SH3PXD2A: variants seen among roughly 807,000 people sequenced by gnomAD.
The protein encoded by SH3PXD2A is SH3 and PX domains 2A, also known as SH3 and PX domain-containing protein 2A.
A neutral mutation model predicts 115.2 loss-of-function variants in SH3PXD2A; 32 were observed. The observed-to-expected ratio is 0.28, with a 90% confidence interval of 0.21 to 0.37. SH3PXD2A has a LOEUF of 0.37. SH3PXD2A is among the 10% of genes least tolerant of loss of function. SH3PXD2A has a pLI of 1.00. For synonymous variants in SH3PXD2A, 610 were observed against 629.1 expected (o/e 0.97, Z 0.45); for missense variants, 1,328 against 1,498.7 (o/e 0.89, Z 1.88).
intron 4 of SH3PXD2A, among the ~76,000 whole-genome samples, chr10:103,728,569 G>A (rs2038271555): frequency 6.6e-6 from 1 of 152,220 alleles, no homozygotes; most frequent in Admixed American, 6.5e-5. Context: ...CTGATGAGGT[G>A]AAATGAGCTC....
chr10:103,800,279 C>T (rs1252950077), intron 2 of SH3PXD2A, among the ~76,000 whole-genome samples: 1 of 152,194 alleles, frequency 6.6e-6, no homozygotes, highest in African/African-American at 2.4e-5. Context: ...CTAAAAGACC[C>T]TCAACTCCCA....
intron 3 of SH3PXD2A, among the ~76,000 whole-genome samples, chr10:103,762,133 C>T (rs1252917735): frequency 1.3e-5 from 2 of 149,238 alleles, no homozygotes; most frequent in Admixed American, 6.8e-5. Flanking sequence ...GTGATTCTCT[C>T]ACCTCAGTCT....
rs368752813 is a variant in SH3PXD2A, at chr10:103,778,600, G to A, written c.154-11431C>T. Among the ~76,000 whole-genome samples, 23 of 152,352 alleles carry A rather than the reference G, an allele frequency of 1.5e-4. No homozygotes were observed. In the East Asian group the frequency reaches 2.9e-3, roughly 19 times the overall value. ...GAAACAGCGCCCCATGGCACTGTGCGGATGAAATGAGAATACAGGTGAGCA... is the reference window on the plus strand; with the variant it reads ...GAAACAGCGCCCCATGGCACTGTGCAGATGAAATGAGAATACAGGTGAGCA... On this transcript the variant is annotated intron_variant, in intron 2 of 14. Transcript: ENST00000369774.
At position 103,596,787 on chromosome 10, in the gene SH3PXD2A, A is replaced by C. The variant is rs72852215; in HGVS notation, c.*5029T>G. The C allele has an allele frequency of 1.3e-5, 2 of 152,514 alleles. No individual in the cohort carries two copies. Among genetic ancestry groups the C allele is most frequent in the Non-Finnish European group, 2.9e-5 (2 of 68,018 alleles). 9.4% of individuals were successfully genotyped at this position (152,514 alleles called of 1,614,324 possible). ...CTGCTTTGAGATTCTCAAAGACTAAATATCTAGATGGATATACGCCAAGGG... is the reference window on the plus strand; with the variant it reads ...CTGCTTTGAGATTCTCAAAGACTAACTATCTAGATGGATATACGCCAAGGG... On this transcript the variant is annotated 3_prime_UTR_variant, in exon 15 of 15. Transcript: ENST00000369774.
intron 5 of SH3PXD2A, among the ~76,000 whole-genome samples, chr10:103,718,463 C>T (rs2038133907): frequency 6.6e-6 from 1 of 151,142 alleles, no homozygotes; most frequent in Non-Finnish European, 1.5e-5. Flanking sequence ...CCATTGACCC[C>T]TTATGACTGC....
intron 3 of SH3PXD2A, among the ~76,000 whole-genome samples, chr10:103,744,222 C>T (rs985962750): frequency 7.3e-5 from 11 of 150,272 alleles, no homozygotes; most frequent in South Asian, 2.1e-4. Context: ...GGCATGATCT[C>T]GGCTCACCGC....
Position 103,855,198 on chromosome 10 carries a change from G to A in SH3PXD2A, c.69C>T (p.His23=), listed in dbSNP as rs549096721. Residue 23 remains histidine (H), a synonymous_variant, in exon 1 of 15, where the codon CAC becomes CAT. Transcript: ENST00000369774. The part of the protein sequence containing the change: ...DVEKRRNPSK[H]YVYIINVTWS... ...GGTCGGCGGGGGCTGTACTCACGTA[G>A]TGCTTGGAGGGGTTCCTCCGCTTCT... 3.2e-5 allele frequency: 49 copies of A among 1,535,510 alleles called. No homozygotes were observed. In the Admixed American group the frequency reaches 9.8e-4, roughly 31 times the overall value.
At chr10:103,830,875 G>A (rs1451008949) in intron 1 of SH3PXD2A, among the ~76,000 whole-genome samples, 1 of 151,578 alleles carries the variant, frequency 6.6e-6, no homozygotes, top group Non-Finnish European at 1.5e-5. Flanking sequence ...TTGAGGATTA[G>A]GGCTAAAAGA....
intron 3 of SH3PXD2A, among the ~76,000 whole-genome samples, chr10:103,742,896 C>G (rs897761812): frequency 1.1e-4 from 16 of 152,230 alleles, no homozygotes; most frequent in Admixed American, 9.2e-4. Flanking sequence ...GAACAGATTT[C>G]CCAGATGAAC....
rs982629906 is a variant in SH3PXD2A at position 103,601,867 on chromosome 10, C to T, written c.3351G>A (p.Val1117=). The T allele has an allele frequency of 1.2e-6, 2 of 1,613,656 alleles. No individual in the cohort carries two copies. The highest frequency in any genetic ancestry group is 1.7e-6 in the Non-Finnish European group (2 of 1,179,742). ...AAGGCACCCAGCCTTTGAAGGGCTT[C>T]ACACCATCCAGGATCTGGCAGTACC... ...GWWYCQILDG[V]KPFKGWVPSN... The change falls in exon 15 of 15, where the codon GTG becomes GTA. Residue 1117 remains valine (V), a synonymous_variant. Coordinates refer to ENST00000369774, the MANE Select transcript of SH3PXD2A (RefSeq NM_001394015.1).
chr10:103,601,786 C>A lies in SH3PXD2A; in HGVS notation c.*30G>T. On this transcript the variant is annotated 3_prime_UTR_variant, in exon 15 of 15. Transcript: ENST00000369774. The stretch of plus-strand genomic sequence containing the variant: ...CATCCAGTGGGCGGCCAGAGAGGCA[C>A]ACTGAGGCTGGAAGAGCCCAGGCCC... The A allele has an allele frequency of 1.4e-6, 2 of 1,471,186 alleles. No homozygotes were observed. Among genetic ancestry groups the A allele is most frequent in the Non-Finnish European group, 1.8e-6 (2 of 1,103,566 alleles). The allele number at this position is 1,471,186 out of a possible 1,614,324, so 91.1% of individuals were successfully genotyped here.
chr10:103,604,379 T>A (rs2036268908), intron 14 of SH3PXD2A, among the ~76,000 whole-genome samples: 1 of 152,212 alleles, frequency 6.6e-6, no homozygotes, highest in Non-Finnish European at 1.5e-5. Flanking sequence ...GAGATTTCTT[T>A]GGGTTGATTG....
intron 1 of SH3PXD2A, among the ~76,000 whole-genome samples, chr10:103,808,575 C>T (rs1295923523): frequency 6.6e-6 from 1 of 152,144 alleles, no homozygotes; most frequent in African/African-American, 2.4e-5. Flanking sequence ...GACATGGCTG[C>T]ACCCAGATAA....
In SH3PXD2A at chr10:103,620,151, G is replaced by A. The variant is rs1360131286; in HGVS notation, c.802+2319C>T. Among the ~76,000 whole-genome samples, 1 of 152,202 alleles carries A rather than the reference G, an allele frequency of 6.6e-6. No individual in the cohort carries two copies. The highest frequency in any genetic ancestry group is 1.5e-5 in the Non-Finnish European group (1 of 68,042). On this transcript the variant is annotated intron_variant, in intron 10 of 14. Coordinates refer to ENST00000369774, the MANE Select transcript of SH3PXD2A (RefSeq NM_001394015.1). The surrounding 1 kb of genome is among the most constrained non-coding windows in gnomAD (Gnocchi z 5.3). ...CAGCTGCATGATTCAGGGTGGTCAG[G>A]GTCTTGGGAAGAGATGTCCCGTCGG...
chr10:103,710,375 A>G (rs1157549380), intron 5 of SH3PXD2A, among the ~76,000 whole-genome samples: 1 of 152,202 alleles, frequency 6.6e-6, no homozygotes, highest in Non-Finnish European at 1.5e-5. Flanking sequence ...ACCCCATCTC[A>G]AAAAATAATA....
intron 2 of SH3PXD2A, among the ~76,000 whole-genome samples, chr10:103,782,827 C>CAACAA: frequency 2.2e-5 from 1 of 45,392 alleles, no homozygotes; most frequent in East Asian, 6.0e-4. Context: ...TCCATCTCTC[C>CAACAA]AAAAAAAAAA....
intron 1 of SH3PXD2A, among the ~76,000 whole-genome samples, chr10:103,817,140 G>A (rs1039409007): frequency 2.0e-4 from 29 of 148,700 alleles, no homozygotes; most frequent in Admixed American, 1.2e-3. Context: ...CACCATGCCC[G>A]GTCTATTCTT....
chr10:103,649,175 T>C (rs144352163), intron 8 of SH3PXD2A, among the ~76,000 whole-genome samples: 8 of 152,282 alleles, frequency 5.3e-5, no homozygotes, highest in African/African-American at 1.7e-4. Flanking sequence ...ACTGCAGAGA[T>C]AAAGTGGGCT....
intron 7 of SH3PXD2A, chr10:103,661,907 C>T: frequency 1.0e-6 from 1 of 985,162 alleles, no homozygotes; most frequent in Non-Finnish European, 1.2e-6. Flanking sequence ...GCCCAGCCCG[C>T]CCCCCGCCAA....
Sources: allele counts gnomAD v4.1 joint callset (sites outside exome capture counted in the v4.1 genomes callset), GRCh38; gene constraint gnomAD v4.1.1; non-coding constraint Gnocchi (gnomAD v3.1); transcripts MANE v1.5; gene names NCBI Gene and HGNC (gene_info 2026-07-23, HGNC 2026-07-21).